The following TIAM1 variants were observed in gnomAD, a reference collection of about 807,000 sequenced individuals.
TIAM1 encodes rho guanine nucleotide exchange factor TIAM1.
Under a neutral mutation model 163.5 loss-of-function variants are expected in TIAM1, and 65 were observed. That is an observed-to-expected ratio of 0.40 (90% CI 0.33 to 0.49). TIAM1 has a LOEUF of 0.49. Ranked by LOEUF, TIAM1 falls within the 20% of genes least tolerant of loss-of-function variation. The pLI, the probability that TIAM1 is intolerant of heterozygous loss-of-function variation, is 0.77. For missense variants in TIAM1, 1,789 were observed against 2,044.7 expected, an observed-to-expected ratio of 0.87 and a Z score of 2.41; for synonymous variants, 833 against 810.1, an observed-to-expected ratio of 1.03 and a Z score of -0.48.
chr21:31,252,846 CTAAA>C (rs1443102182), intron 4 of TIAM1, among the ~76,000 whole-genome samples: 3 of 152,216 alleles, frequency 2.0e-5, no homozygotes, highest in African/African-American at 7.2e-5. Context: ...CTGCATTGTG[CTAAA>C]TAAGTCTGTG....
intron 1 of TIAM1, among the ~76,000 whole-genome samples, chr21:31,490,582 TGAA>T (rs2046430838): frequency 6.6e-6 from 1 of 152,146 alleles, no homozygotes; most frequent in Non-Finnish European, 1.5e-5. Flanking sequence ...AGCCCCAGCC[TGAA>T]ATAAGCCAGA....
chr21:31,463,782 C>T (rs1305941473), intron 2 of TIAM1, among the ~76,000 whole-genome samples: 1 of 147,186 alleles, frequency 6.8e-6, no homozygotes, highest in African/African-American at 2.5e-5. Context: ...AGCGCCATTG[C>T]ACTCCAGCAA....
chr21:31,252,884 T>C (rs180857496), intron 4 of TIAM1, among the ~76,000 whole-genome samples: 79 of 152,330 alleles, frequency 5.2e-4, no homozygotes, highest in Non-Finnish European at 8.7e-4. Context: ...CATTGAGCTC[T>C]CCAATTACCT....
At chr21:31,421,687 G>C (rs1189188908) in intron 2 of TIAM1, among the ~76,000 whole-genome samples, 1 of 152,150 alleles carries the variant, frequency 6.6e-6, no homozygotes, top group Non-Finnish European at 1.5e-5. Context: ...CACTGCCCCA[G>C]AGCATTCAGA....
intron 2 of TIAM1, among the ~76,000 whole-genome samples, chr21:31,433,382 CA>C (rs1443062159): frequency 6.6e-6 from 1 of 152,168 alleles, no homozygotes; most frequent in East Asian, 1.9e-4. Context: ...TTAGGTTGAG[CA>C]AACTGGGTAG....
chr21:31,228,244 A>ATAATCTGATAAGGATTTTTCCTTT (rs1569068929), intron 6 of TIAM1, among the ~76,000 whole-genome samples: 1 of 51,904 alleles, frequency 1.9e-5, no homozygotes, highest in Non-Finnish European at 6.2e-5. Flanking sequence ...AAAAAAAAAA[A>ATAATCTGATAAGGATTTTTCCTTT]AAAAAAAAAA....
intron 8 of TIAM1, among the ~76,000 whole-genome samples, chr21:31,221,373 G>A (rs2833342): frequency 0.12 from 18,616 of 152,104 alleles, 3,622 homozygotes; most frequent in African/African-American, 0.41. Flanking sequence ...AGAGTTGAAC[G>A]TATGGACTTC....
At chr21:31,285,177 C>T (rs944362737) in intron 2 of TIAM1, among the ~76,000 whole-genome samples, 1 of 150,240 alleles carries the variant, frequency 6.7e-6, no homozygotes, top group South Asian at 2.2e-4. Context: ...TGATTTCATT[C>T]CCCAAGCCAC....
chr21:31,201,863 G>A (rs978621061), intron 12 of TIAM1, among the ~76,000 whole-genome samples: 19 of 152,238 alleles, frequency 1.2e-4, no homozygotes, highest in African/African-American at 3.9e-4. Context: ...ACTGACAAAC[G>A]CACCACTTTG....
At chr21:31,135,891 C>T in intron 23 of TIAM1, 42 bp downstream of exon 23, 1 of 1,556,620 alleles carries the variant, frequency 6.4e-7, no homozygotes. Context: ...GAAAACTAAG[C>T]TAGACTTTTC....
intron 2 of TIAM1, among the ~76,000 whole-genome samples, chr21:31,328,970 C>T (rs1227710303): frequency 2.0e-5 from 3 of 152,122 alleles, no homozygotes; most frequent in African/African-American, 7.2e-5. Flanking sequence ...TGTCATCATT[C>T]CCTAAACAAT....
intron 1 of TIAM1, among the ~76,000 whole-genome samples, chr21:31,532,986 G>C (rs933959104): frequency 2.2e-4 from 34 of 152,268 alleles, no homozygotes; most frequent in African/African-American, 7.7e-4. Context: ...CAAGATAGGT[G>C]GACAGCCTTT....
chr21:31,318,925 G>A (rs1601944341), intron 2 of TIAM1, among the ~76,000 whole-genome samples: 2 of 152,070 alleles, frequency 1.3e-5, no homozygotes, highest in South Asian at 2.1e-4. Context: ...GTGCAGTAGC[G>A]CAATCACAGC....
intron 2 of TIAM1, among the ~76,000 whole-genome samples, chr21:31,451,523 CTG>C (rs2044839265): frequency 6.6e-6 from 1 of 152,074 alleles, no homozygotes; most frequent in Non-Finnish European, 1.5e-5. Flanking sequence ...GGACCAGAGT[CTG>C]TAGTTCAGAG....
upstream of TIAM1, among the ~76,000 whole-genome samples, chr21:31,347,684 C>T (rs193298788): frequency 5.0e-4 from 76 of 152,256 alleles, no homozygotes; most frequent in African/African-American, 1.3e-3. Context: ...CTGGGAATGA[C>T]GCTAAATGAT....
chr21:31,392,303 G>A (rs1033959560), intron 2 of TIAM1, among the ~76,000 whole-genome samples: 4 of 152,096 alleles, frequency 2.6e-5, no homozygotes, highest in Admixed American at 6.5e-5. Context: ...GGGCGCGGTG[G>A]CTCACGCCTG....
chr21:31,424,374 T>A (rs1193680286), intron 2 of TIAM1, among the ~76,000 whole-genome samples: 1 of 152,158 alleles, frequency 6.6e-6, no homozygotes, highest in Non-Finnish European at 1.5e-5. Context: ...AAAGGGTGGA[T>A]TTGTGGATGC....
chr21:31,479,621 A>G (rs1033030078), intron 1 of TIAM1, among the ~76,000 whole-genome samples: 6 of 152,314 alleles, frequency 3.9e-5, no homozygotes, highest in East Asian at 1.9e-4. Flanking sequence ...ATACCATAGA[A>G]ATCGACAAAA....
chr21:31,372,527 T>G (rs537758872), intron 2 of TIAM1, among the ~76,000 whole-genome samples: 112 of 152,072 alleles, frequency 7.4e-4, no homozygotes, highest in South Asian at 1.0e-3. Flanking sequence ...CAGAAATCAG[T>G]CTGGCAAGAG....
Sources: allele counts gnomAD v4.1 joint callset (sites outside exome capture counted in the v4.1 genomes callset), GRCh38; gene constraint gnomAD v4.1.1; transcripts MANE v1.5; gene names NCBI Gene and HGNC (gene_info 2026-07-23, HGNC 2026-07-21).